Variants in FSTL5 observed in about 807,000 individuals in gnomAD.
FSTL5 encodes the protein follistatin-related protein 5.
In FSTL5, 62 loss-of-function variants were observed where a neutral mutation model predicts 89.1. That is an observed-to-expected ratio of 0.70 (90% CI 0.57 to 0.86). FSTL5 has a LOEUF of 0.86. Among genes scored for constraint, FSTL5 ranks in the 40% least tolerant of loss-of-function variants. The pLI is 0.00. For synonymous variants in FSTL5, 383 were observed against 346.2 expected (o/e 1.11, Z -1.18); for missense variants, 1,057 against 1,001.6 (o/e 1.06, Z -0.75).
intron 3 of FSTL5, among the ~76,000 whole-genome samples, chr4:162,018,091 T>C (rs1441903085): frequency 2.0e-5 from 3 of 152,108 alleles, no homozygotes; most frequent in Non-Finnish European, 2.9e-5. Flanking sequence ...GACCCCAGAA[T>C]TCCCTAACAA....
chr4:161,419,755 A>G (rs1438752061), intron 15 of FSTL5, among the ~76,000 whole-genome samples: 1 of 152,204 alleles, frequency 6.6e-6, no homozygotes, highest in East Asian at 1.9e-4. Context: ...AGGTTCAGGA[A>G]TCAAAGGGTG....
chr4:162,108,478 C>T (rs2111400820), intron 2 of FSTL5, among the ~76,000 whole-genome samples: 1 of 151,958 alleles, frequency 6.6e-6, no homozygotes, highest in South Asian at 2.1e-4. Flanking sequence ...TAAAATGTGA[C>T]TTATCAGACC....
intron 12 of FSTL5, among the ~76,000 whole-genome samples, chr4:161,488,048 A>C (rs183945467): frequency 1.6e-3 from 240 of 152,212 alleles, no homozygotes; most frequent in Admixed American, 3.5e-3. Flanking sequence ...TATTGGAAAA[A>C]AATCTTACAA....
chr4:161,731,394 G>A (rs958444115), intron 6 of FSTL5, among the ~76,000 whole-genome samples: 40 of 152,044 alleles, frequency 2.6e-4, no homozygotes, highest in Non-Finnish European at 4.6e-4. Flanking sequence ...TGATTGGACC[G>A]TAGGGGCAGA....
rs1427775787 is a variant in FSTL5, at chr4:161,386,410, T to C, written c.1881A>G (p.Gln627=). 1 of 1,613,250 alleles carries C rather than the reference T, an allele frequency of 6.2e-7. No individual in the cohort carries two copies. Among genetic ancestry groups the C allele is most frequent in the Admixed American group, 1.7e-5 (1 of 59,924 alleles). The change falls in exon 16 of 16, where the codon CAA becomes CAG. Residue 627 remains glutamine (Q), a synonymous_variant. Transcript: ENST00000306100. ...FILHKDEAAL[Q]KIDLETMSYI... ...ATGACATGGTTTCAAGATCAATTTTTTGTAGTGCAGCTTCATCTTTATGAA... is the reference window on the plus strand; with the variant it reads ...ATGACATGGTTTCAAGATCAATTTTCTGTAGTGCAGCTTCATCTTTATGAA...
At chr4:161,491,812 C>T (rs1474565612) in intron 12 of FSTL5, among the ~76,000 whole-genome samples, 1 of 150,260 alleles carries the variant, frequency 6.7e-6, no homozygotes, top group Non-Finnish European at 1.5e-5. Flanking sequence ...TGAAATCCAG[C>T]CTGGGCAACA....
intron 3 of FSTL5, among the ~76,000 whole-genome samples, chr4:162,005,117 C>A (rs557516973): frequency 1.8e-4 from 27 of 152,302 alleles, no homozygotes; most frequent in African/African-American, 5.8e-4. Context: ...CTATTTCTCT[C>A]GCTCCATTGT....
At chr4:162,028,451 T>G (rs896115560) in intron 3 of FSTL5, among the ~76,000 whole-genome samples, 4 of 152,000 alleles carry the variant, frequency 2.6e-5, no homozygotes, top group African/African-American at 9.7e-5. Context: ...CTGGCACGCA[T>G]TTGTAATCCC....
At chr4:162,007,335 T>A (rs912391235) in intron 3 of FSTL5, among the ~76,000 whole-genome samples, 1 of 151,820 alleles carries the variant, frequency 6.6e-6, no homozygotes, top group South Asian at 2.1e-4. Flanking sequence ...GTAATTAACA[T>A]TCTATGTTGA....
At chr4:161,793,293 G>T (rs984051782) in intron 4 of FSTL5, among the ~76,000 whole-genome samples, 19 of 152,202 alleles carry the variant, frequency 1.2e-4, no homozygotes, top group Admixed American at 4.6e-4. Context: ...AGTGTGCCAG[G>T]CCTAGTGGGC....
At chr4:161,795,476 C>A (rs1189769643) in intron 4 of FSTL5, among the ~76,000 whole-genome samples, 1 of 151,956 alleles carries the variant, frequency 6.6e-6, no homozygotes, top group Non-Finnish European at 1.5e-5. Flanking sequence ...GATTTTATTT[C>A]CTGTCAGCGG....
chr4:161,617,753 GA>G (rs1182553480), intron 7 of FSTL5, among the ~76,000 whole-genome samples: 2 of 152,178 alleles, frequency 1.3e-5, no homozygotes, highest in Non-Finnish European at 2.9e-5. Context: ...AGAAAGGAAA[GA>G]AAAACTGTGA....
At chr4:162,118,056 C>T (rs1051998747) in intron 1 of FSTL5, among the ~76,000 whole-genome samples, 1 of 152,142 alleles carries the variant, frequency 6.6e-6, no homozygotes, top group Non-Finnish European at 1.5e-5. Context: ...GGAAAAACCT[C>T]CCTTGTCAAG....
At chr4:161,669,120 A>AAT (rs998989918) in intron 6 of FSTL5, among the ~76,000 whole-genome samples, 1 of 149,282 alleles carries the variant, frequency 6.7e-6, no homozygotes, top group Non-Finnish European at 1.5e-5. Context: ...TCAAAAAAAA[A>AAT]AAAAAAATAA....
At chr4:161,566,949 A>G (rs1322391493) in intron 8 of FSTL5, among the ~76,000 whole-genome samples, 2 of 152,110 alleles carry the variant, frequency 1.3e-5, no homozygotes, top group Admixed American at 6.6e-5. Flanking sequence ...GTTAATTTCT[A>G]AAACATTCTT....
intron 2 of FSTL5, among the ~76,000 whole-genome samples, chr4:162,068,158 A>G (rs753794099): frequency 2.6e-4 from 40 of 152,168 alleles, no homozygotes; most frequent in Non-Finnish European, 5.4e-4. Flanking sequence ...TGCTATTCCC[A>G]TTAAACTTCC....
intron 8 of FSTL5, among the ~76,000 whole-genome samples, chr4:161,576,249 G>A (rs1414163278): frequency 6.6e-6 from 1 of 152,118 alleles, no homozygotes; most frequent in African/African-American, 2.4e-5. Flanking sequence ...ACTGCCCAAA[G>A]TAATTGATAG....
chr4:161,600,781 A>G (rs1375300305), intron 7 of FSTL5, among the ~76,000 whole-genome samples: 1 of 152,214 alleles, frequency 6.6e-6, no homozygotes, highest in Non-Finnish European at 1.5e-5. Flanking sequence ...TCATTAGTAA[A>G]TGAATACACA....
chr4:161,466,144 A>C (rs1733741554), intron 13 of FSTL5, among the ~76,000 whole-genome samples: 1 of 152,334 alleles, frequency 6.6e-6, no homozygotes, highest in African/African-American at 2.4e-5. Flanking sequence ...TGATAAAAGC[A>C]ATTTTTCTTT....
Sources: allele counts gnomAD v4.1 joint callset (sites outside exome capture counted in the v4.1 genomes callset), GRCh38; gene constraint gnomAD v4.1.1; transcripts MANE v1.5; gene names NCBI Gene and HGNC (gene_info 2026-07-23, HGNC 2026-07-21).